The following ZBTB7C variants were observed in gnomAD, a reference collection of about 807,000 sequenced individuals.
ZBTB7C encodes the protein zinc finger and BTB domain-containing protein 7C.
A neutral mutation model predicts 25.7 loss-of-function variants in ZBTB7C; 8 were observed. The ratio of observed to expected loss-of-function variants is 0.31; its 90% CI spans 0.18 to 0.56. ZBTB7C has a LOEUF of 0.56. Ranked by LOEUF, ZBTB7C falls within the 20% of genes least tolerant of loss-of-function variation. The pLI, the probability that ZBTB7C is intolerant of heterozygous loss-of-function variation, is 0.91. For synonymous variants in ZBTB7C, 394 were observed against 369.0 expected (o/e 1.07, Z -0.78); for missense variants, 824 against 855.2 (o/e 0.96, Z 0.46).
Position 48,322,404 on chromosome 18 carries a change from C to A in ZBTB7C, c.-79+15770G>T, listed in dbSNP as rs570353216. 5.9e-5 allele frequency among the ~76,000 whole-genome samples: 9 copies of A among 152,242 alleles called. No homozygotes were observed. The East Asian group carries it at 1.7e-3, about 29-fold the overall frequency. ...CAAATGTCCCCTGGAAGAGAGTGGA[C>A]AAAATTATCCTGGCTAGGAAACACT... On this transcript the variant is annotated intron_variant, in intron 2 of 4. Coordinates refer to ENST00000590800, the MANE Select transcript of ZBTB7C (RefSeq NM_001318841.2).
At chr18:48,253,757 G>A (rs1218216312) in intron 2 of ZBTB7C, among the ~76,000 whole-genome samples, 1 of 152,274 alleles carries the variant, frequency 6.6e-6, no homozygotes, top group African/African-American at 2.4e-5. Flanking sequence ...ACCCAAAAAG[G>A]GGTAAAAGAA....
intron 3 of ZBTB7C, among the ~76,000 whole-genome samples, chr18:48,177,228 C>T (rs536347053): frequency 2.2e-4 from 33 of 152,278 alleles, no homozygotes; most frequent in East Asian, 5.8e-4. Flanking sequence ...GTGGTCCCCT[C>T]GCCCTCCTGC....
At chr18:48,274,740 C>T (rs749505140) in intron 2 of ZBTB7C, among the ~76,000 whole-genome samples, 4 of 152,200 alleles carry the variant, frequency 2.6e-5, no homozygotes, top group Non-Finnish European at 5.9e-5. Flanking sequence ...CTCCTGTCAG[C>T]GCATGGTCCA....
chr18:48,082,474 C>T (rs2038027692), intron 3 of ZBTB7C, among the ~76,000 whole-genome samples: 1 of 152,134 alleles, frequency 6.6e-6, no homozygotes, highest in East Asian at 1.9e-4. Context: ...GCAACGGGCT[C>T]AAAGCAATGC....
chr18:48,261,698 C>A (rs772959725), intron 2 of ZBTB7C, among the ~76,000 whole-genome samples: 2 of 152,200 alleles, frequency 1.3e-5, no homozygotes, highest in Non-Finnish European at 2.9e-5. Flanking sequence ...CCAAATAGAC[C>A]CTAAGCTCTC....
At chr18:48,173,021 G>A (rs1399220833) in intron 3 of ZBTB7C, among the ~76,000 whole-genome samples, 1 of 152,200 alleles carries the variant, frequency 6.6e-6, no homozygotes, top group African/African-American at 2.4e-5. Flanking sequence ...TGAGAATGGA[G>A]GCCTTGGAGC....
At chr18:48,258,212 T>C (rs1278433911) in intron 2 of ZBTB7C, among the ~76,000 whole-genome samples, 1 of 152,202 alleles carries the variant, frequency 6.6e-6, no homozygotes, top group Non-Finnish European at 1.5e-5. Flanking sequence ...TATTCAACAT[T>C]GTCCTGAATG....
intron 3 of ZBTB7C, chr18:48,149,861 T>C (rs1438082566): frequency 6.7e-6 from 1 of 149,108 alleles, no homozygotes; most frequent in Non-Finnish European, 1.5e-5. Context: ...TGGAATGCAA[T>C]GGTGTAATCT....
intron 1 of ZBTB7C, among the ~76,000 whole-genome samples, chr18:48,352,914 G>A (rs2046897190): frequency 6.6e-6 from 1 of 152,128 alleles, no homozygotes; most frequent in Admixed American, 6.5e-5. Flanking sequence ...CTGCACCAGT[G>A]GTAGCCCTGG....
chr18:48,245,079 AGTGTGTGTGTGTG>A (rs1219926928), intron 2 of ZBTB7C, among the ~76,000 whole-genome samples: 1 of 66,292 alleles, frequency 1.5e-5, no homozygotes, highest in Non-Finnish European at 3.2e-5. Context: ...AAAAAAAAGT[AGTGTGTGTGTGTG>A]TATATATATA....
At chr18:48,052,897 G>A (rs1218002557) in intron 3 of ZBTB7C, among the ~76,000 whole-genome samples, 6 of 152,102 alleles carry the variant, frequency 3.9e-5, no homozygotes, top group Admixed American at 2.0e-4. Flanking sequence ...TGCACAGCTC[G>A]ACTTCAGATG....
intron 2 of ZBTB7C, among the ~76,000 whole-genome samples, chr18:48,233,130 T>G (rs1325848778): frequency 6.6e-6 from 1 of 151,878 alleles, no homozygotes; most frequent in African/African-American, 2.4e-5. Flanking sequence ...TAATGAGAGG[T>G]GGTTAGGCCA....
At chr18:48,225,751 A>AT (rs1170330441) in intron 2 of ZBTB7C, among the ~76,000 whole-genome samples, 12 of 149,754 alleles carry the variant, frequency 8.0e-5, no homozygotes, top group South Asian at 4.2e-4. Flanking sequence ...ACACTTCCTA[A>AT]TTTTTTTTTT....
intron 2 of ZBTB7C, among the ~76,000 whole-genome samples, chr18:48,246,149 A>G (rs2043685484): frequency 6.6e-6 from 1 of 152,134 alleles, no homozygotes; most frequent in South Asian, 2.1e-4. Context: ...CATAGCAGGA[A>G]GTCAGTTAAT....
intron 3 of ZBTB7C, chr18:48,165,095 A>G: frequency 2.3e-6 from 3 of 1,286,810 alleles, no homozygotes; most frequent in Non-Finnish European, 3.0e-6. Context: ...ACAAACAAGT[A>G]TGGTTACAAA....
chr18:48,127,051 T>C (rs150674411), intron 3 of ZBTB7C, among the ~76,000 whole-genome samples: 1 of 152,202 alleles, frequency 6.6e-6, no homozygotes, highest in Non-Finnish European at 1.5e-5. Flanking sequence ...CCACCACTTA[T>C]GGAGTGTGCA....
intron 1 of ZBTB7C, among the ~76,000 whole-genome samples, chr18:48,375,820 A>G (rs935669138): frequency 1.3e-5 from 2 of 152,204 alleles, no homozygotes; most frequent in Admixed American, 1.3e-4. Context: ...TCCTTCTCGG[A>G]TCCTGGCAAC....
At chr18:48,258,775 C>T (rs939505324) in intron 2 of ZBTB7C, among the ~76,000 whole-genome samples, 2 of 142,326 alleles carry the variant, frequency 1.4e-5, no homozygotes, top group African/African-American at 5.6e-5. Context: ...CTCCCTGCCT[C>T]AGCCTCCTGA....
At chr18:48,194,758 C>A (rs2042278605) in intron 2 of ZBTB7C, among the ~76,000 whole-genome samples, 1 of 152,066 alleles carries the variant, frequency 6.6e-6, no homozygotes, top group African/African-American at 2.4e-5. Flanking sequence ...TGAGGAACCC[C>A]AAATGCCCGC....
Sources: gnomAD v4.1 joint callset for allele counts (sites outside exome capture counted in the v4.1 genomes callset) on GRCh38, gnomAD v4.1.1 for gene constraint, MANE v1.5 for transcripts, NCBI Gene and HGNC (gene_info 2026-07-23, HGNC 2026-07-21) for gene names.